The following IQCM variants were observed in gnomAD, a reference collection of about 807,000 sequenced individuals.
IQCM encodes IQ motif containing M, also known as IQ domain-containing protein M.
Under a neutral mutation model 57.6 loss-of-function variants are expected in IQCM, and 45 were observed. The ratio of observed to expected loss-of-function variants is 0.78; its 90% CI spans 0.62 to 1.00. The LOEUF is 1.00. IQCM is among the 50% of genes least tolerant of loss of function. The probability of loss-of-function intolerance (pLI) is 0.00; values close to 1 mark genes in which losing one functional copy is unlikely to be tolerated. For missense variants in IQCM, 468 were observed against 511.6 expected, an observed-to-expected ratio of 0.91 and a Z score of 0.82; for synonymous variants, 148 against 158.9, an observed-to-expected ratio of 0.93 and a Z score of 0.51.
intron 13 of IQCM, among the ~76,000 whole-genome samples, chr4:149,416,510 C>T (rs72724078): frequency 6.6e-6 from 1 of 151,802 alleles, no homozygotes; most frequent in African/African-American, 2.4e-5. Flanking sequence ...GCCTGAAAAA[C>T]AGTAAGTGAT....
intron 12 of IQCM, among the ~76,000 whole-genome samples, chr4:149,462,661 T>C (rs1338912252): frequency 1.3e-5 from 2 of 152,174 alleles, no homozygotes; most frequent in Non-Finnish European, 2.9e-5. Context: ...TGGGACCCAT[T>C]AGTTATCATG....
intron 2 of IQCM, among the ~76,000 whole-genome samples, chr4:149,787,373 T>C (rs1393036640): frequency 1.3e-5 from 2 of 151,802 alleles, no homozygotes; most frequent in East Asian, 3.9e-4. Context: ...CTAAAACTTA[T>C]ATAGAAACAA....
chr4:149,574,162 T>A (rs1353834978), intron 9 of IQCM, among the ~76,000 whole-genome samples: 1 of 151,978 alleles, frequency 6.6e-6, no homozygotes, highest in Non-Finnish European at 1.5e-5. Context: ...GACTGTCAGA[T>A]ACATGGAGAC....
At chr4:149,404,661 A>T (rs912568015) in intron 13 of IQCM, among the ~76,000 whole-genome samples, 2 of 152,074 alleles carry the variant, frequency 1.3e-5, no homozygotes, top group Admixed American at 1.3e-4. Context: ...AAATTAAATC[A>T]GATATGGAAC....
At chr4:149,486,040 TCTC>T in intron 12 of IQCM, among the ~76,000 whole-genome samples, 1 of 151,128 alleles carries the variant, frequency 6.6e-6, no homozygotes, top group Non-Finnish European at 1.5e-5. Flanking sequence ...TCTCTCTCTC[TCTC>T]TCTCTCTCTC....
rs559210582 is a variant in IQCM, at chr4:149,686,427, C to T, written c.427G>A (p.Val143Met). ...LDKIMTIIEPVSKKMETAKQQ... is the reference protein window; with the variant it reads ...LDKIMTIIEPMSKKMETAKQQ... ...TTTGCTGTCTCCATTTTTTTACTCA[C>T]TGGTTCAATAATAGTCATGATTTTA... The change falls in exon 6 of 14, where the codon GTG becomes ATG. Residue 143 changes from valine to methionine, a missense_variant. Physicochemically the swap from Val to Met is conservative, Grantham distance 21. Coordinates refer to ENST00000636793, the MANE Select transcript of IQCM (RefSeq NM_001363507.2). 73 of 1,228,058 alleles carry T rather than the reference C, an allele frequency of 5.9e-5. No homozygotes were observed. The highest frequency in any genetic ancestry group is 7.2e-5 in the Non-Finnish European group (71 of 984,864). 76.1% of individuals were successfully genotyped at this position (1,228,058 alleles called of 1,614,324 possible).
chr4:149,801,276 G>A (rs947725695), intron 2 of IQCM, among the ~76,000 whole-genome samples: 14 of 151,750 alleles, frequency 9.2e-5, no homozygotes, highest in Admixed American at 5.3e-4. Flanking sequence ...AAGAACCCTC[G>A]TACACTGTTG....
intron 5 of IQCM, among the ~76,000 whole-genome samples, chr4:149,708,457 A>C (rs1764321186): frequency 6.6e-6 from 1 of 151,500 alleles, no homozygotes; most frequent in Non-Finnish European, 1.5e-5. Flanking sequence ...AAAAAAAGAC[A>C]AGTATACCAA....
chr4:149,504,072 TAAAAC>T (rs1167967620), intron 12 of IQCM, among the ~76,000 whole-genome samples: 1 of 151,988 alleles, frequency 6.6e-6, no homozygotes, highest in Non-Finnish European at 1.5e-5. Context: ...AAAAAAAAAT[TAAAAC>T]AATACTCTGA....
chr4:149,782,840 A>G (rs1017680833), intron 2 of IQCM, among the ~76,000 whole-genome samples: 1 of 152,164 alleles, frequency 6.6e-6, no homozygotes, highest in African/African-American at 2.4e-5. Flanking sequence ...CATTTTTCTC[A>G]CTTGGCTCCT....
At chr4:149,614,639 T>G (rs2150060574) in intron 8 of IQCM, among the ~76,000 whole-genome samples, 1 of 148,306 alleles carries the variant, frequency 6.7e-6, no homozygotes, top group South Asian at 2.3e-4. Context: ...GGGTGTCCAG[T>G]TTTTTGGCTT....
intron 12 of IQCM, among the ~76,000 whole-genome samples, chr4:149,486,640 G>C (rs1282626297): frequency 1.1e-4 from 16 of 152,172 alleles, no homozygotes; most frequent in Non-Finnish European, 2.2e-4. Context: ...CAGCTACTCA[G>C]GAGGCTGAGG....
chr4:149,684,616 T>G (rs980173234), intron 6 of IQCM, among the ~76,000 whole-genome samples: 16 of 151,396 alleles, frequency 1.1e-4, no homozygotes, highest in African/African-American at 3.1e-4. Flanking sequence ...TATTATCTTT[T>G]CTTCTGCTTA....
chr4:149,720,059 C>G (rs1453540960), intron 5 of IQCM, among the ~76,000 whole-genome samples: 1 of 152,200 alleles, frequency 6.6e-6, no homozygotes, highest in Non-Finnish European at 1.5e-5. Flanking sequence ...CAGAATGACC[C>G]TGGGCCACTG....
intron 3 of IQCM, among the ~76,000 whole-genome samples, chr4:149,740,132 A>G (rs1380365146): frequency 6.6e-6 from 1 of 152,232 alleles, no homozygotes; most frequent in Admixed American, 6.5e-5. Context: ...CATCCTTCCC[A>G]TTAATAGGCT....
At chr4:149,679,082 C>T (rs958619318) in intron 7 of IQCM, among the ~76,000 whole-genome samples, 1 of 151,562 alleles carries the variant, frequency 6.6e-6, no homozygotes, top group African/African-American at 2.4e-5. Flanking sequence ...TCTGCATTCC[C>T]ATGTTTATTG....
At chr4:149,447,348 C>T (rs1056620781) in intron 12 of IQCM, among the ~76,000 whole-genome samples, 3 of 151,516 alleles carry the variant, frequency 2.0e-5, no homozygotes, top group Admixed American at 6.6e-5. Flanking sequence ...AAAATCAATC[C>T]AAACCGATCT....
chr4:149,384,130 A>C lies in IQCM; in HGVS notation c.1391-32064T>G, dbSNP rs373649460. ...TACTGTAATTTTTTATATTATAGTT[A>C]AGAAACTGAGATTCAGTAAAGCAAA... On this transcript the variant is annotated intron_variant, in intron 13 of 13. Transcript: ENST00000636793. Among the ~76,000 whole-genome samples the C allele has an allele frequency of 1.0e-3, 155 of 152,274 alleles. 5 individuals are homozygous for C. In the South Asian group the frequency reaches 0.031, roughly 31 times the overall value.
At chr4:149,426,855 T>G (rs979583984) in intron 13 of IQCM, among the ~76,000 whole-genome samples, 1 of 151,822 alleles carries the variant, frequency 6.6e-6, no homozygotes, top group Non-Finnish European at 1.5e-5. Flanking sequence ...TGATACACTA[T>G]GAAGAAAAAT....
Sources: allele counts gnomAD v4.1 joint callset (sites outside exome capture counted in the v4.1 genomes callset), GRCh38; gene constraint gnomAD v4.1.1; transcripts MANE v1.5; gene names NCBI Gene and HGNC (gene_info 2026-07-23, HGNC 2026-07-21).